The following RBM33 variants were observed in gnomAD, a reference collection of about 807,000 sequenced individuals.
RBM33 encodes RNA binding motif protein 33.
Under a neutral mutation model 132.6 loss-of-function variants are expected in RBM33, and 28 were observed. The observed-to-expected ratio is 0.21, with a 90% CI of 0.16 to 0.29. The LOEUF (loss-of-function observed/expected upper bound fraction) is 0.29, where lower values mean the gene tolerates loss of function less well. RBM33 is among the 10% of genes least tolerant of loss of function. RBM33 has a pLI of 1.00. For missense variants in RBM33, 1,291 were observed against 1,518.5 expected, an observed-to-expected ratio of 0.85 and a Z score of 2.49; for synonymous variants, 634 against 593.0, an observed-to-expected ratio of 1.07 and a Z score of -1.01.
At chr7:155,707,649 A>AT (rs1038667949) in intron 7 of RBM33, among the ~76,000 whole-genome samples, 1 of 151,994 alleles carries the variant, frequency 6.6e-6, no homozygotes, top group Admixed American at 6.6e-5. Context: ...GAAATTATTG[A>AT]TTTTTTTGTT....
intron 14 of RBM33, among the ~76,000 whole-genome samples, chr7:155,759,702 A>C (rs1330186943): frequency 6.6e-6 from 1 of 152,238 alleles, no homozygotes; most frequent in Non-Finnish European, 1.5e-5. Context: ...AAAATTATCA[A>C]ATTACTACAG....
At chr7:155,760,895 C>T (rs1367868454) in intron 14 of RBM33, among the ~76,000 whole-genome samples, 1 of 152,174 alleles carries the variant, frequency 6.6e-6, no homozygotes, top group East Asian at 1.9e-4. Flanking sequence ...AGCGGTCTGC[C>T]TTTTCACAGT....
chr7:155,661,130 G>GTATATATATA (rs1186560711), intron 1 of RBM33, among the ~76,000 whole-genome samples: 1 of 85,714 alleles, frequency 1.2e-5, no homozygotes, highest in Admixed American at 1.5e-4. Context: ...GTGTGTGTGT[G>GTATATATATA]TATATATATA....
At chr7:155,736,801 C>CATTT (rs1801140043) in intron 9 of RBM33, among the ~76,000 whole-genome samples, 1 of 152,154 alleles carries the variant, frequency 6.6e-6, no homozygotes, top group Non-Finnish European at 1.5e-5. Flanking sequence ...AATGTCATGA[C>CATTT]ATTTAGTGTT....
At chr7:155,687,668 G>A (rs1799519016) in intron 5 of RBM33, among the ~76,000 whole-genome samples, 1 of 152,320 alleles carries the variant, frequency 6.6e-6, no homozygotes, top group African/African-American at 2.4e-5. Flanking sequence ...GTGTAAGGAA[G>A]GGATCCAGTT....
At chr7:155,676,501 A>G (rs1405830194) in intron 3 of RBM33, among the ~76,000 whole-genome samples, 1 of 152,168 alleles carries the variant, frequency 6.6e-6, no homozygotes, top group Non-Finnish European at 1.5e-5. Context: ...TGGCTATTCC[A>G]TGAAGGTTTT....
chr7:155,744,225 A>G (rs1168697959), intron 13 of RBM33, among the ~76,000 whole-genome samples: 1 of 152,232 alleles, frequency 6.6e-6, no homozygotes, highest in African/African-American at 2.4e-5. Context: ...GATGATTTTT[A>G]AAGAATATTA....
In RBM33 at chr7:155,738,247, C is replaced by T. The variant is rs745661514; in HGVS notation, c.1581C>T (p.Pro527=). The change falls in exon 11 of 18, where the codon CCC becomes CCT. Residue 527 remains proline (P), a synonymous_variant. Transcript: ENST00000401878. The stretch of plus-strand genomic sequence containing the variant: ...AGCCAGTGTTCCCAAGAGAGCGGCC[C>T]GTACGACCAGCCTTGCAGCCTCCAG... The part of the protein sequence containing the change: ...GQQPVFPRER[P]VRPALQPPGP... The T allele has an allele frequency of 9.3e-6, 15 of 1,613,966 alleles. No homozygotes were observed. Among genetic ancestry groups the T allele is most frequent in the East Asian group, 4.5e-5 (2 of 44,890 alleles).
At chr7:155,683,350 A>G (rs969898991) in intron 5 of RBM33, among the ~76,000 whole-genome samples, 1 of 152,224 alleles carries the variant, frequency 6.6e-6, no homozygotes, top group South Asian at 2.1e-4. Context: ...TGAACACATG[A>G]GCAGATTGTG....
At position 155,680,875 on chromosome 7, in the gene RBM33, C is replaced by T. The variant is rs747469148; in HGVS notation, c.534C>T (p.Asp178=). ...AGCTTTACACTGATGAAGTGTTAGA[C>T]ATCGAGATCAATGAACCTTTAGATG... ...EEQLYTDEVL[D]IEINEPLDEF... is the part of the protein sequence containing the mutation. The change falls in exon 5 of 18, where the codon GAC becomes GAT. Residue 178 remains aspartate (D), a synonymous_variant. Transcript: ENST00000401878. 3.7e-6 allele frequency: 6 copies of T among 1,613,606 alleles called. No individual in the cohort carries two copies. The highest frequency in any genetic ancestry group is 5.1e-6 in the Non-Finnish European group (6 of 1,179,772).
In RBM33 at chr7:155,644,737, G is replaced by A. The variant is rs548338656; in HGVS notation, c.-140G>A. 6.2e-4 allele frequency: 400 copies of A among 643,770 alleles called. 7 individuals carry two copies. The Admixed American group carries it at 0.015, about 24-fold the overall frequency. 39.9% of individuals were successfully genotyped at this position (643,770 alleles called of 1,614,324 possible). A position where few individuals can be genotyped will look rare whatever the true frequency, so the allele number is the denominator to read the frequency against. ...AGGCGAAGGGCCAGCTGTGGACCGC[G>A]AAGCGCCCGGCTTCGCCTCTGCCTC... On this transcript the variant is annotated 5_prime_UTR_variant, in exon 1 of 18. Transcript: ENST00000401878.
intron 2 of RBM33, among the ~76,000 whole-genome samples, chr7:155,668,841 G>A (rs1422110000): frequency 6.6e-6 from 1 of 152,074 alleles, no homozygotes; most frequent in African/African-American, 2.4e-5. Flanking sequence ...CTTTATTGGT[G>A]GTTACATTGC....
rs1799095530 is a variant in RBM33 at position 155,673,946 on chromosome 7, T to TTTTTTTTTTG, written c.171+1040_171+1041insGTTTTTTTTT. Among the ~76,000 whole-genome samples the TTTTTTTTTTG allele has an allele frequency of 1.9e-4, 5 of 25,764 alleles. 1 individual carries two copies. The highest frequency in any genetic ancestry group is 2.3e-3 in the East Asian group (2 of 858). 16.9% of individuals were successfully genotyped at this position (25,764 alleles called of 152,430 possible). A position where few individuals can be genotyped will look rare whatever the true frequency, so the allele number is the denominator to read the frequency against. On this transcript the variant is annotated intron_variant, in intron 3 of 17. Coordinates refer to ENST00000401878, the MANE Select transcript of RBM33 (RefSeq NM_053043.3). ...TCAAGATAGTTTAGGCTTAGTTTTTTTTTTTTTTTTTTTTTTTTTTTTTTT... is the reference window on the plus strand; with the variant it reads ...TCAAGATAGTTTAGGCTTAGTTTTTTTTTTTTTTTGTTTTTTTTTTTTTTTTTTTTTTTTT...
intron 5 of RBM33, among the ~76,000 whole-genome samples, chr7:155,686,659 G>C (rs912151687): frequency 6.6e-6 from 1 of 151,948 alleles, no homozygotes; most frequent in Admixed American, 6.6e-5. Context: ...GCCCTGGTGT[G>C]TGATATTCCC....
rs1033647646 is a variant in RBM33, at chr7:155,774,278, T to C, written c.3376-281T>C. Among the ~76,000 whole-genome samples, 2 of 152,156 alleles carry C rather than the reference T, an allele frequency of 1.3e-5. No homozygotes were observed. The highest frequency in any genetic ancestry group is 2.1e-4 in the South Asian group (1 of 4,832). ...CTGCTACCCGGTCTCCCAGAGCAGG[T>C]TGGGGCAGCTGATGGGGCCAGATGA... On this transcript the variant is annotated intron_variant, in intron 16 of 17. Transcript: ENST00000401878. The surrounding 1 kb of genome is among the most constrained non-coding windows in gnomAD (Gnocchi z 4.2).
chr7:155,741,952 C>T lies in RBM33; in HGVS notation c.2183C>T (p.Ala728Val). The change falls in exon 13 of 18, where the codon GCC (alanine) becomes GTC (valine). Residue 728 changes from alanine to valine, a missense_variant. Physicochemically the swap from Ala to Val is moderately conservative, Grantham distance 64. This residue lies in a region of RBM33 where 841 missense variants were observed against 912.0 expected (regional missense o/e 0.92). Transcript: ENST00000401878. ...GAAATGAGCAGCAGCCGCTGCTCTGCCACGCCCTCAGCACAAGTGAAACCT... is the reference window on the plus strand; with the variant it reads ...GAAATGAGCAGCAGCCGCTGCTCTGTCACGCCCTCAGCACAAGTGAAACCT... ...VIEMSSSRCS[A>V]TPSAQVKPIV... 6.2e-7 allele frequency: 1 copy of T among 1,614,054 alleles called. No individual in the cohort carries two copies. The highest frequency in any genetic ancestry group is 8.5e-7 in the Non-Finnish European group (1 of 1,179,892).
chr7:155,719,810 G>A (rs1236932048), intron 9 of RBM33, among the ~76,000 whole-genome samples: 1 of 152,096 alleles, frequency 6.6e-6, no homozygotes, highest in Non-Finnish European at 1.5e-5. Flanking sequence ...TTCACATTTT[G>A]TACTACAAGG....
chr7:155,757,471 TA>T (rs1801888759), intron 14 of RBM33, among the ~76,000 whole-genome samples: 1 of 152,216 alleles, frequency 6.6e-6, no homozygotes, highest in Non-Finnish European at 1.5e-5. Flanking sequence ...AGCATTATAG[TA>T]GCCCTTCATT....
At chr7:155,710,774 G>GC (rs57525938) in intron 7 of RBM33, among the ~76,000 whole-genome samples, 3,759 of 152,220 alleles carry the variant, frequency 0.025, 141 homozygotes, top group African/African-American at 0.085. Flanking sequence ...GGTAACTGGT[G>GC]CACATCTCCT....
Sources: gnomAD v4.1 joint callset for allele counts (sites outside exome capture counted in the v4.1 genomes callset) on GRCh38, gnomAD v4.1.1 for gene constraint, gnomAD v4.1.1 regional missense constraint, Gnocchi (gnomAD v3.1) non-coding constraint, MANE v1.5 for transcripts, NCBI Gene and HGNC (gene_info 2026-07-23, HGNC 2026-07-21) for gene names.